PPARGC1B: variants seen among roughly 807,000 people sequenced by gnomAD.
PPARGC1B encodes the protein PPARG coactivator 1 beta.
Under a neutral mutation model 101.6 loss-of-function variants are expected in PPARGC1B, and 34 were observed. That is an observed-to-expected ratio of 0.33 (90% confidence interval 0.25 to 0.45). PPARGC1B has a LOEUF of 0.45. PPARGC1B is among the 20% of genes least tolerant of loss of function. PPARGC1B has a pLI of 1.00. For synonymous variants in PPARGC1B, 548 were observed against 539.3 expected (o/e 1.02, Z -0.22); for missense variants, 1,234 against 1,317.6 (o/e 0.94, Z 0.98).
chr5:149,817,563 A>G, intron 1 of PPARGC1B: 1 of 362,880 alleles, frequency 2.8e-6, no homozygotes, highest in Non-Finnish European at 5.5e-6. Context: ...CCTTCATAGC[A>G]CTAACTCAGT....
At chr5:149,731,665 G>C (rs1253975908) in intron 1 of PPARGC1B, among the ~76,000 whole-genome samples, 1 of 148,070 alleles carries the variant, frequency 6.8e-6, no homozygotes, top group Non-Finnish European at 1.5e-5. Flanking sequence ...TTTGCTTCTT[G>C]TTATAATCTG....
intron 1 of PPARGC1B, among the ~76,000 whole-genome samples, chr5:149,737,960 C>T (rs1754785659): frequency 6.6e-6 from 1 of 152,174 alleles, no homozygotes; most frequent in South Asian, 2.1e-4. Context: ...CACTACTACA[C>T]TCCAGCTTGG....
intron 1 of PPARGC1B, among the ~76,000 whole-genome samples, chr5:149,815,008 T>A (rs2113338590): frequency 6.6e-6 from 1 of 152,346 alleles, no homozygotes; most frequent in East Asian, 1.9e-4. Flanking sequence ...TCCCAACCCT[T>A]GCCTGAAGCT....
At position 149,847,823 on chromosome 5, in the gene PPARGC1B, C is replaced by CAACGGGTTG. The variant is rs1759628475; in HGVS notation, c.*266_*267insACGGGTTGA. 1.9e-5 allele frequency: 9 copies of CAACGGGTTG among 478,876 alleles called. No individual in the cohort carries two copies. The East Asian group carries it at 3.1e-4, about 17-fold the overall frequency. The allele number at this position is 478,876 out of a possible 1,614,324, so 29.7% of individuals were successfully genotyped here. ...CGCTTCCAACGGGTTGTCCCGGGTGCACCTCGAAGTGCCGGGTCCGTCACC... is the reference window on the plus strand; with the variant it reads ...CGCTTCCAACGGGTTGTCCCGGGTGCAACGGGTTGACCTCGAAGTGCCGGGTCCGTCACC... On this transcript the variant is annotated 3_prime_UTR_variant, in exon 12 of 12. Coordinates refer to ENST00000309241, the MANE Select transcript of PPARGC1B (RefSeq NM_133263.4).
At chr5:149,817,523 A>G (rs1561579507) in intron 1 of PPARGC1B, 3 of 340,286 alleles carry the variant, frequency 8.8e-6, no homozygotes, top group Non-Finnish European at 1.7e-5. Context: ...GTTTCCTGTT[A>G]TCTTCCATCA....
intron 1 of PPARGC1B, among the ~76,000 whole-genome samples, chr5:149,796,519 A>T (rs572021044): frequency 1.7e-4 from 26 of 152,270 alleles, no homozygotes; most frequent in African/African-American, 6.3e-4. Flanking sequence ...TACATCTTTT[A>T]AAGATAATTT....
At chr5:149,737,217 C>T (rs543789109) in intron 1 of PPARGC1B, among the ~76,000 whole-genome samples, 2 of 152,282 alleles carry the variant, frequency 1.3e-5, no homozygotes, top group East Asian at 1.9e-4. Flanking sequence ...TTTAAGGTTC[C>T]TCCATGACTT....
At chr5:149,841,839 AC>A (rs1025082868) in intron 9 of PPARGC1B, among the ~76,000 whole-genome samples, 2 of 151,716 alleles carry the variant, frequency 1.3e-5, no homozygotes, top group African/African-American at 4.8e-5. Flanking sequence ...TGATGCCCCC[AC>A]CCCATTACCC....
intron 9 of PPARGC1B, among the ~76,000 whole-genome samples, chr5:149,841,545 CTGTG>C (rs746273591): frequency 6.6e-6 from 1 of 152,200 alleles, no homozygotes; most frequent in Non-Finnish European, 1.5e-5. Flanking sequence ...GGACAAGAAA[CTGTG>C]TGTTTTTCCT....
intron 1 of PPARGC1B, among the ~76,000 whole-genome samples, chr5:149,760,698 C>T (rs779221791): frequency 7.2e-5 from 11 of 152,138 alleles, no homozygotes; most frequent in South Asian, 2.1e-4. Flanking sequence ...TGATCTCATG[C>T]ACCTGCTGCA....
At chr5:149,740,169 G>C (rs915065360) in intron 1 of PPARGC1B, 3 of 152,288 alleles carry the variant, frequency 2.0e-5, no homozygotes, top group Non-Finnish European at 4.4e-5. Flanking sequence ...TTCAGTGACT[G>C]AGAGGGCTGT....
intron 1 of PPARGC1B, among the ~76,000 whole-genome samples, chr5:149,767,621 C>T (rs1755960832): frequency 1.3e-5 from 2 of 152,206 alleles, no homozygotes; most frequent in Admixed American, 1.3e-4. Flanking sequence ...CCTGTCTTAA[C>T]ATCCCTGGAA....
chr5:149,799,690 G>GTTTTTTCTTTTTTTTTTTTTTTTTTT (rs369350284), intron 1 of PPARGC1B, among the ~76,000 whole-genome samples: 1 of 65,052 alleles, frequency 1.5e-5, no homozygotes, highest in African/African-American at 5.3e-5. Flanking sequence ...TTTGCTTGTT[G>GTTTTTTCTTTTTTTTTTTTTTTTTTT]TTGTTTTTTT....
At position 149,853,777 on chromosome 5, in the gene PPARGC1B, G is replaced by C. The variant is rs925435130; in HGVS notation, c.*6219G>C. The stretch of plus-strand genomic sequence containing the variant: ...GTTCTGATTCCAATGGAAACAGGTG[G>C]GAAATCTCAAGGGGAGCGTGGACAA... On this transcript the variant is annotated 3_prime_UTR_variant, in exon 12 of 12. Coordinates refer to ENST00000309241, the MANE Select transcript of PPARGC1B (RefSeq NM_133263.4). This position sits in a 1 kb window ranked among gnomAD's most constrained non-coding sequence, Gnocchi z 4.2. The C allele has an allele frequency of 6.6e-6, 1 of 152,174 alleles. No homozygotes were observed. Among genetic ancestry groups the C allele is most frequent in the East Asian group, 1.9e-4 (1 of 5,198 alleles). The allele number at this position is 152,174 out of a possible 1,614,324, so 9.4% of individuals were successfully genotyped here. A position where few individuals can be genotyped will look rare whatever the true frequency, so the allele number is the denominator to read the frequency against.
intron 1 of PPARGC1B, among the ~76,000 whole-genome samples, chr5:149,793,877 CG>C (rs1221476915): frequency 6.6e-6 from 1 of 152,168 alleles, no homozygotes; most frequent in Non-Finnish European, 1.5e-5. Context: ...AGCACTGTGT[CG>C]GGGCAAAGGA....
chr5:149,795,648 C>T (rs956614488), intron 1 of PPARGC1B, among the ~76,000 whole-genome samples: 4 of 152,096 alleles, frequency 2.6e-5, no homozygotes, highest in Non-Finnish European at 4.4e-5. Context: ...GGGCAGAGGA[C>T]GCAGGAGGGC....
At chr5:149,773,934 C>T (rs1011722420) in intron 1 of PPARGC1B, among the ~76,000 whole-genome samples, 1 of 152,196 alleles carries the variant, frequency 6.6e-6, no homozygotes, top group Non-Finnish European at 1.5e-5. Context: ...ACTGGCATTT[C>T]TCTGGAATGT....
intron 1 of PPARGC1B, among the ~76,000 whole-genome samples, chr5:149,808,577 G>T (rs547480001): frequency 6.6e-6 from 1 of 152,126 alleles, no homozygotes; most frequent in Non-Finnish European, 1.5e-5. Flanking sequence ...AACTCTCAGC[G>T]TTTTTGCCCC....
rs1350068205 is a variant in PPARGC1B at position 149,830,033 on chromosome 5, AAAAAAAAAAAAAAAAAAAAAAG to A, written c.466-718_466-697del. Among the ~76,000 whole-genome samples the A allele has an allele frequency of 1.1e-3, 115 of 100,854 alleles. 1 individual carries two copies. The highest frequency in any genetic ancestry group is 5.6e-3 in the African/African-American group (109 of 19,326). The allele number at this position is 100,854 out of a possible 152,430, so 66.2% of individuals were successfully genotyped here. On this transcript the variant is annotated intron_variant, in intron 3 of 11. Coordinates refer to ENST00000309241, the MANE Select transcript of PPARGC1B (RefSeq NM_133263.4). ...CTAGGTGACAGAGACTGCATCTCAA[AAAAAAAAAAAAAAAAAAAAAAG>A]AAAAAAAAAAAAAAACAGGGTGGGT...
Sources: gnomAD v4.1 joint callset for allele counts (sites outside exome capture counted in the v4.1 genomes callset) on GRCh38, gnomAD v4.1.1 for gene constraint, Gnocchi (gnomAD v3.1) non-coding constraint, MANE v1.5 for transcripts, NCBI Gene and HGNC (gene_info 2026-07-23, HGNC 2026-07-21) for gene names.